KIF3C: variants seen among roughly 807,000 people sequenced by gnomAD.
KIF3C encodes the protein kinesin family member 3C, also known as kinesin-like protein KIF3C.
KIF3C carries 12 observed loss-of-function variants against 67.7 expected under a neutral mutation model. The observed-to-expected ratio is 0.18, with a 90% CI of 0.11 to 0.29. The LOEUF is 0.29. Ranked by LOEUF, KIF3C falls within the 10% of genes least tolerant of loss-of-function variation. The pLI, the probability that KIF3C is intolerant of heterozygous loss-of-function variation, is 1.00. For missense variants in KIF3C, 789 were observed against 1,059.6 expected (o/e 0.74, Z 3.55); for synonymous variants, 393 against 426.2 (o/e 0.92, Z 0.96).
At chr2:25,948,608 A>AAGAGAAAG (rs1663506955) in intron 5 of KIF3C, among the ~76,000 whole-genome samples, 1 of 150,062 alleles carries the variant, frequency 6.7e-6, no homozygotes, top group Non-Finnish European at 1.5e-5. Context: ...GAAAGAAAGA[A>AAGAGAAAG]AGAGAAAGAG....
intron 5 of KIF3C, among the ~76,000 whole-genome samples, chr2:25,939,968 A>G (rs1446039214): frequency 6.6e-6 from 1 of 151,956 alleles, no homozygotes; most frequent in Non-Finnish European, 1.5e-5. Flanking sequence ...AAAAATGAAA[A>G]TAAATAAATA....
chr2:25,928,942 G>C lies in KIF3C; in HGVS notation c.*36C>G. The C allele has an allele frequency of 5.1e-6, 8 of 1,572,122 alleles. No homozygotes were observed. The highest frequency in any genetic ancestry group is 6.1e-6 in the Non-Finnish European group (7 of 1,146,502). Reference sequence around the variant, plus strand: ...AGCCAGGGTTGGCTGCCCCATCCCAGGAGTCTATTGGATGGGCAGCCTGAC... The same window carrying C: ...AGCCAGGGTTGGCTGCCCCATCCCACGAGTCTATTGGATGGGCAGCCTGAC... On this transcript the variant is annotated 3_prime_UTR_variant, in exon 8 of 8. Coordinates refer to ENST00000264712, the MANE Select transcript of KIF3C (RefSeq NM_002254.8).
Position 25,981,077 on chromosome 2 carries a change from C to A in KIF3C, c.841G>T (p.Gly281Cys), listed in dbSNP as rs777299489. ...GGGGGGGSGG[G>C]AGGERPKEAS... ...TCCTTAGGCCTCTCTCCACCAGCAC[C>A]ACCACCACTGCCTCCACCGCCACCA... Residue 281 changes from glycine to cysteine, a missense_variant, in exon 1 of 8, where the codon GGT becomes TGT. Physicochemically the swap from Gly to Cys is radical, Grantham distance 159. Around this residue, in one of 2 missense-constraint regions of KIF3C, gnomAD observed 648 missense variants for 807.8 expected, o/e 0.80. Coordinates refer to ENST00000264712, the MANE Select transcript of KIF3C (RefSeq NM_002254.8). The surrounding 1 kb of genome is among the most constrained non-coding windows in gnomAD (Gnocchi z 8.2). The A allele has an allele frequency of 6.2e-7, 1 of 1,614,052 alleles. No individual in the cohort carries two copies. Among genetic ancestry groups the A allele is most frequent in the Non-Finnish European group, 8.5e-7 (1 of 1,180,024 alleles).
intron 5 of KIF3C, among the ~76,000 whole-genome samples, chr2:25,940,968 T>C (rs1663269986): frequency 6.6e-6 from 1 of 152,098 alleles, no homozygotes; most frequent in Non-Finnish European, 1.5e-5. Context: ...CAGAATGTTC[T>C]AAATCCAAAG....
chr2:25,938,947 T>C (rs1663213115), intron 5 of KIF3C, among the ~76,000 whole-genome samples: 1 of 152,082 alleles, frequency 6.6e-6, no homozygotes, highest in Non-Finnish European at 1.5e-5. Flanking sequence ...TCATTCTCTT[T>C]CCTGGCTGTT....
At chr2:25,971,043 C>A (rs191597424) in intron 1 of KIF3C, among the ~76,000 whole-genome samples, 75 of 150,394 alleles carry the variant, frequency 5.0e-4, no homozygotes, top group African/African-American at 1.7e-3. Flanking sequence ...GAGGCCGAGG[C>A]GGGCGGATCA....
chr2:25,951,545 C>G, intron 5 of KIF3C: 2 of 447,340 alleles, frequency 4.5e-6, no homozygotes, highest in African/African-American at 2.0e-5. Flanking sequence ...TCCCGAGATC[C>G]CTCACAAGGT....
At position 25,927,488 on chromosome 2, in the gene KIF3C, T is replaced by C. The variant is rs2090421242; in HGVS notation, c.*1490A>G. 6.6e-6 allele frequency: 1 copy of C among 152,198 alleles called. No individual in the cohort carries two copies. Among genetic ancestry groups the C allele is most frequent in the Non-Finnish European group, 1.5e-5 (1 of 68,048 alleles). The allele number at this position is 152,198 out of a possible 1,614,324, so 9.4% of individuals were successfully genotyped here. A position where few individuals can be genotyped will look rare whatever the true frequency, so the allele number is the denominator to read the frequency against. On this transcript the variant is annotated 3_prime_UTR_variant, in exon 8 of 8. Coordinates refer to ENST00000264712, the MANE Select transcript of KIF3C (RefSeq NM_002254.8). The stretch of plus-strand genomic sequence containing the variant: ...AGCAGAAATGACAGTGTCGCTGAGT[T>C]AAATCAGACCCAAGCTTGATCCTCA...
At chr2:25,952,310 T>A (rs1321881982) in intron 4 of KIF3C, among the ~76,000 whole-genome samples, 1 of 149,336 alleles carries the variant, frequency 6.7e-6, no homozygotes, top group Non-Finnish European at 1.5e-5. Context: ...CAAAAAAAAA[T>A]AAGTTAATTA....
intron 4 of KIF3C, among the ~76,000 whole-genome samples, chr2:25,952,160 CGTGGTG>C (rs1663633349): frequency 6.6e-6 from 1 of 151,924 alleles, no homozygotes; most frequent in South Asian, 2.1e-4. Context: ...ATTAGCTGGG[CGTGGTG>C]GTGGGTGCCT....
intron 7 of KIF3C, 48 bp from the exon 8 acceptor site, chr2:25,929,119 G>T (rs563290771): frequency 6.5e-7 from 1 of 1,548,098 alleles, no homozygotes; most frequent in African/African-American, 1.4e-5. Context: ...GGAAATACAG[G>T]AAACAGGAAA....
At chr2:25,977,846 T>C (rs534828984) in intron 1 of KIF3C, among the ~76,000 whole-genome samples, 55 of 152,290 alleles carry the variant, frequency 3.6e-4, no homozygotes, top group Admixed American at 2.0e-3. Flanking sequence ...GCCTTGGGGC[T>C]ATGGGGAACT....
At chr2:25,942,462 G>A (rs1663317219) in intron 5 of KIF3C, among the ~76,000 whole-genome samples, 1 of 151,516 alleles carries the variant, frequency 6.6e-6, no homozygotes, top group Non-Finnish European at 1.5e-5. Flanking sequence ...CCAGGCTGGA[G>A]TGCAATAGCA....
Position 25,929,367 on chromosome 2 carries a change from G to A in KIF3C, c.2226C>T (p.Leu742=), listed in dbSNP as rs374585543. 5.0e-6 allele frequency: 8 copies of A among 1,614,150 alleles called. No homozygotes were observed. In the African/African-American group the frequency reaches 6.7e-5, roughly 13 times the overall value. The change falls in exon 7 of 8, where the codon CTC becomes CTT. Residue 742 remains leucine (L), a synonymous_variant. Coordinates refer to ENST00000264712, the MANE Select transcript of KIF3C (RefSeq NM_002254.8). ...QDPRALHMER[L]MRLDSFLERP... ...TTTCCAGAAAGCTGTCCAATCGCATGAGCCTCTCCATGTGTAGCGCACGAG... is the reference window on the plus strand; with the variant it reads ...TTTCCAGAAAGCTGTCCAATCGCATAAGCCTCTCCATGTGTAGCGCACGAG...
At chr2:25,974,319 C>T (rs1008491312) in intron 1 of KIF3C, among the ~76,000 whole-genome samples, 1 of 152,126 alleles carries the variant, frequency 6.6e-6, no homozygotes, top group Non-Finnish European at 1.5e-5. Context: ...CCACCCACCT[C>T]GGCCTCCCAA....
At chr2:25,949,558 A>G (rs538547313) in intron 5 of KIF3C, among the ~76,000 whole-genome samples, 71 of 152,094 alleles carry the variant, frequency 4.7e-4, no homozygotes, top group African/African-American at 1.7e-3. Flanking sequence ...AACAACAACA[A>G]CAAAAGTTAA....
chr2:25,940,506 G>T (rs1377442702), intron 5 of KIF3C, among the ~76,000 whole-genome samples: 1 of 151,706 alleles, frequency 6.6e-6, no homozygotes, highest in South Asian at 2.1e-4. Context: ...AGGAGTGGGG[G>T]TTGCAGTGAG....
chr2:25,980,559 C>T lies in KIF3C; in HGVS notation c.1359G>A (p.Leu453=), dbSNP rs1664539416. The change falls in exon 1 of 8, where the codon TTG becomes TTA. Residue 453 remains leucine (L), a synonymous_variant. Transcript: ENST00000264712. This position sits in a 1 kb window ranked among gnomAD's most constrained non-coding sequence, Gnocchi z 7.6. ...GCAGGTAATTCTCCATGTTCTTCTC[C>T]AAGGCTGACTCCAGGATGGGCTGGG... The part of the protein sequence containing the change: ...RPPQPILESA[L]EKNMENYLQE... 2.5e-6 allele frequency: 4 copies of T among 1,614,038 alleles called. No individual in the cohort carries two copies. The highest frequency in any genetic ancestry group is 1.6e-4 in the Middle Eastern group (1 of 6,084).
At chr2:25,945,131 C>CA (rs60379654) in intron 5 of KIF3C, among the ~76,000 whole-genome samples, 10,257 of 135,726 alleles carry the variant, frequency 0.076, 389 homozygotes, top group Middle Eastern at 0.11. Flanking sequence ...AACTCTATCT[C>CA]AAAAAAAAAA....
Sources: allele counts gnomAD v4.1 joint callset (sites outside exome capture counted in the v4.1 genomes callset), GRCh38; gene constraint gnomAD v4.1.1; regional missense constraint gnomAD v4.1.1; non-coding constraint Gnocchi (gnomAD v3.1); transcripts MANE v1.5; gene names NCBI Gene and HGNC (gene_info 2026-07-23, HGNC 2026-07-21).